The following CEP112 variants were observed in gnomAD, a reference collection of about 807,000 sequenced individuals.
CEP112 encodes the protein centrosomal protein 112, also known as centrosomal protein of 112 kDa.
A neutral mutation model predicts 153.0 loss-of-function variants in CEP112; 127 were observed. The observed-to-expected ratio is 0.83, with a 90% CI of 0.72 to 0.96. The LOEUF (loss-of-function observed/expected upper bound fraction) is 0.96. Ranked by LOEUF, CEP112 falls within the 40% of genes least tolerant of loss-of-function variation. CEP112 has a pLI of 0.00. For missense variants in CEP112, 1,089 were observed against 1,101.2 expected (o/e 0.99, Z 0.16); for synonymous variants, 358 against 374.4 (o/e 0.96, Z 0.51).
chr17:65,982,830 G>A (rs2063276107), intron 17 of CEP112, among the ~76,000 whole-genome samples: 1 of 152,182 alleles, frequency 6.6e-6, no homozygotes, highest in African/African-American at 2.4e-5. Context: ...CAATAGTTGA[G>A]TAGGTAAACT....
intron 21 of CEP112, among the ~76,000 whole-genome samples, chr17:65,819,824 A>G (rs556894334): frequency 6.6e-6 from 1 of 152,192 alleles, no homozygotes; most frequent in African/African-American, 2.4e-5. Context: ...GAGGTGTCAT[A>G]GATTGAAGGA....
intron 21 of CEP112, among the ~76,000 whole-genome samples, chr17:65,786,261 A>T (rs1260983769): frequency 6.6e-6 from 1 of 151,376 alleles, no homozygotes; most frequent in African/African-American, 2.4e-5. Context: ...TTCTATATTG[A>T]TCTTATATCC....
At chr17:65,955,313 G>A (rs1039414998) in intron 18 of CEP112, among the ~76,000 whole-genome samples, 5 of 152,156 alleles carry the variant, frequency 3.3e-5, no homozygotes, top group Admixed American at 2.0e-4. Flanking sequence ...AAACAAATGC[G>A]GAGAGAATTC....
chr17:66,149,585 T>G (rs1360523524), intron 4 of CEP112, among the ~76,000 whole-genome samples: 1 of 152,132 alleles, frequency 6.6e-6, no homozygotes, highest in Non-Finnish European at 1.5e-5. Flanking sequence ...ATTTGTTCAT[T>G]TCACCTAGGT....
intron 20 of CEP112, among the ~76,000 whole-genome samples, chr17:65,897,799 A>AC (rs577089277): frequency 6.6e-6 from 1 of 152,190 alleles, no homozygotes; most frequent in African/African-American, 2.4e-5. Context: ...AAGTTTCCCC[A>AC]CCAGATTTTA....
intron 20 of CEP112, among the ~76,000 whole-genome samples, chr17:65,865,111 G>A (rs371082745): frequency 1.3e-5 from 2 of 151,692 alleles, no homozygotes; most frequent in African/African-American, 4.8e-5. Context: ...TCATGATCTC[G>A]GCTCACTGCA....
At chr17:66,139,736 T>C (rs1168649903) in intron 4 of CEP112, among the ~76,000 whole-genome samples, 1 of 152,104 alleles carries the variant, frequency 6.6e-6, no homozygotes, top group Non-Finnish European at 1.5e-5. Context: ...GATTGAATCA[T>C]GAAGAATAGA....
At chr17:66,002,654 T>C (rs1282049854) in intron 17 of CEP112, among the ~76,000 whole-genome samples, 1 of 152,200 alleles carries the variant, frequency 6.6e-6, no homozygotes, top group Non-Finnish European at 1.5e-5. Context: ...TCCATCTTAC[T>C]GATTATTACC....
At chr17:65,722,572 T>G (rs2049949949) in intron 23 of CEP112, among the ~76,000 whole-genome samples, 1 of 152,236 alleles carries the variant, frequency 6.6e-6, no homozygotes, top group Non-Finnish European at 1.5e-5. Context: ...TTTTAAAGAT[T>G]CTTTTCAGCT....
intron 24 of CEP112, chr17:65,644,544 T>A (rs183286782): frequency 1.8e-5 from 4 of 222,392 alleles, no homozygotes; most frequent in Non-Finnish European, 3.6e-5. Context: ...GAACACAAGG[T>A]CAAAACTTTT....
At chr17:65,739,430 G>A (rs114811193) in intron 23 of CEP112, among the ~76,000 whole-genome samples, 2,008 of 152,244 alleles carry the variant, frequency 0.013, 51 homozygotes, top group African/African-American at 0.046. Flanking sequence ...AAGATAGGGT[G>A]TTACAGCATA....
chr17:65,973,969 A>C (rs938998362), intron 17 of CEP112, among the ~76,000 whole-genome samples: 3 of 152,224 alleles, frequency 2.0e-5, no homozygotes, highest in African/African-American at 7.2e-5. Flanking sequence ...CACTTACAAG[A>C]GTACTGCAAA....
chr17:65,694,903 T>C lies in CEP112; in HGVS notation c.2608-5685A>G, dbSNP rs1346287182. On this transcript the variant is annotated intron_variant, in intron 23 of 26. Transcript: ENST00000535342. ...AGCCCAAGATAATTAAAGAACAGAATGTCCAACACTGGGTCAAAAATATGA... is the reference window on the plus strand; with the variant it reads ...AGCCCAAGATAATTAAAGAACAGAACGTCCAACACTGGGTCAAAAATATGA... Among the ~76,000 whole-genome samples the C allele has an allele frequency of 3.3e-5, 5 of 152,214 alleles. No homozygotes were observed. The East Asian group carries it at 9.6e-4, about 29-fold the overall frequency.
chr17:66,030,159 T>C, intron 12 of CEP112, 136 bp from the exon 13 acceptor site: 3 of 659,328 alleles, frequency 4.6e-6, no homozygotes, highest in Non-Finnish European at 7.1e-6. Context: ...TAGTAGAAAT[T>C]AAATCAACCT....
chr17:65,988,356 C>T (rs148623511), intron 17 of CEP112, among the ~76,000 whole-genome samples: 171 of 152,270 alleles, frequency 1.1e-3, no homozygotes, highest in African/African-American at 3.9e-3. Flanking sequence ...TCCTTCAATG[C>T]AAAGACACAG....
rs369389625 is a variant in CEP112, at chr17:65,711,048, G to A, written c.2608-21830C>T. Among the ~76,000 whole-genome samples the A allele has an allele frequency of 8.5e-5, 13 of 152,306 alleles. 2 individuals are homozygous for A. The highest frequency in any genetic ancestry group is 3.1e-4 in the African/African-American group (13 of 41,556). The stretch of plus-strand genomic sequence containing the variant: ...TCGTTGGTGGCGACGAGTGGGTGGC[G>A]AACTGGAGCTTCACTTTCTCTCTAG... On this transcript the variant is annotated intron_variant, in intron 23 of 26. Transcript: ENST00000535342.
intron 6 of CEP112, among the ~76,000 whole-genome samples, chr17:66,128,294 TTC>T (rs1466383068): frequency 1.0e-5 from 1 of 100,304 alleles, no homozygotes; most frequent in East Asian, 2.5e-4. Context: ...CACAGCAAGA[TTC>T]TGTCTCAAAA....
At chr17:65,672,655 C>T (rs1382039302) in intron 24 of CEP112, among the ~76,000 whole-genome samples, 4 of 152,114 alleles carry the variant, frequency 2.6e-5, no homozygotes, top group South Asian at 4.1e-4. Context: ...ACTTGCTTAA[C>T]GTTCCATAGC....
At chr17:65,776,176 CAA>C (rs1434514419) in intron 21 of CEP112, among the ~76,000 whole-genome samples, 1 of 152,206 alleles carries the variant, frequency 6.6e-6, no homozygotes, top group Non-Finnish European at 1.5e-5. Flanking sequence ...AAACCCTGTA[CAA>C]GATCTACCAT....
Sources: allele counts gnomAD v4.1 joint callset (sites outside exome capture counted in the v4.1 genomes callset), GRCh38; gene constraint gnomAD v4.1.1; transcripts MANE v1.5; gene names NCBI Gene and HGNC (gene_info 2026-07-23, HGNC 2026-07-21).